HIVEP1: variants seen among roughly 807,000 people sequenced by gnomAD.
HIVEP1 encodes zinc finger protein 40.
A neutral mutation model predicts 180.0 loss-of-function variants in HIVEP1; 36 were observed. The observed-to-expected ratio is 0.20, with a 90% CI of 0.15 to 0.26. The LOEUF (loss-of-function observed/expected upper bound fraction) is 0.26, where lower values mean the gene tolerates loss of function less well. HIVEP1 is among the 10% of genes least tolerant of loss of function. The pLI is 1.00. For missense variants in HIVEP1, 3,143 were observed against 3,268.7 expected, an observed-to-expected ratio of 0.96 and a Z score of 0.94; for synonymous variants, 1,239 against 1,239.0, an observed-to-expected ratio of 1.00 and a Z score of 0.00.
chr6:12,073,026 C>A (rs1020056332), intron 2 of HIVEP1, among the ~76,000 whole-genome samples: 1 of 152,126 alleles, frequency 6.6e-6, no homozygotes, highest in Non-Finnish European at 1.5e-5. Flanking sequence ...ACATAGAGAA[C>A]AATGTGGATA....
At chr6:12,062,504 G>A (rs891963820) in intron 2 of HIVEP1, among the ~76,000 whole-genome samples, 1 of 152,154 alleles carries the variant, frequency 6.6e-6, no homozygotes, top group African/African-American at 2.4e-5. Flanking sequence ...CAGCAAGGAA[G>A]CCAAAATTGG....
At chr6:12,020,890 CTTTT>C (rs70981658) in intron 2 of HIVEP1, among the ~76,000 whole-genome samples, 1 of 105,774 alleles carries the variant, frequency 9.5e-6, no homozygotes, top group Admixed American at 1.2e-4. Context: ...TTCTTTCTTT[CTTTT>C]TTTTTTTTTT....
At chr6:12,040,825 G>A (rs1284914267) in intron 2 of HIVEP1, among the ~76,000 whole-genome samples, 2 of 151,970 alleles carry the variant, frequency 1.3e-5, no homozygotes, top group African/African-American at 2.4e-5. Flanking sequence ...CAATCATGGT[G>A]GAAAGTGAAG....
intron 3 of HIVEP1, among the ~76,000 whole-genome samples, chr6:12,099,573 A>G (rs1773988342): frequency 6.6e-6 from 1 of 152,070 alleles, no homozygotes; most frequent in Admixed American, 6.5e-5. Flanking sequence ...ATGTGAAGAA[A>G]AAACGTGGTA....
chr6:12,017,334 T>G (rs577790960), intron 2 of HIVEP1, among the ~76,000 whole-genome samples: 13 of 152,334 alleles, frequency 8.5e-5, no homozygotes, highest in African/African-American at 3.1e-4. Flanking sequence ...GGTTGTTCCT[T>G]CTGATGTTCA....
At chr6:12,109,228 C>A (rs1379218284) in intron 3 of HIVEP1, among the ~76,000 whole-genome samples, 1 of 152,146 alleles carries the variant, frequency 6.6e-6, no homozygotes, top group East Asian at 1.9e-4. Context: ...CTCCTGACCT[C>A]GTGTTCCGCC....
the HIVEP1 span, among the ~76,000 whole-genome samples, chr6:12,199,806 C>T: frequency 5.3e-5 from 8 of 152,184 alleles, no homozygotes; most frequent in South Asian, 2.1e-4. Context: ...CAGCCCTTCT[C>T]GTAGAATGTC....
chr6:12,187,675 C>A, the HIVEP1 span, among the ~76,000 whole-genome samples: 2 of 151,400 alleles, frequency 1.3e-5, no homozygotes, highest in African/African-American at 2.4e-5. Context: ...TCACTGCAAC[C>A]TCTGACTCCA....
upstream of HIVEP1, among the ~76,000 whole-genome samples, chr6:12,011,391 G>C (rs549336196): frequency 2.7e-5 from 4 of 149,480 alleles, no homozygotes; most frequent in South Asian, 8.5e-4. Flanking sequence ...ACGGTAAAGA[G>C]AAACTACGGC....
chr6:12,078,719 C>CACACACACACACATATATATATATAT (rs758199591), intron 2 of HIVEP1, among the ~76,000 whole-genome samples: 23 of 146,358 alleles, frequency 1.6e-4, no homozygotes, highest in Non-Finnish European at 3.1e-4. Flanking sequence ...CACACACACA[C>CACACACACACACATATATATATATAT]ATATATATAT....
intron 2 of HIVEP1, among the ~76,000 whole-genome samples, chr6:12,085,603 A>G (rs1161267906): frequency 1.3e-5 from 2 of 152,124 alleles, no homozygotes; most frequent in Non-Finnish European, 2.9e-5. Context: ...CAGGCATGCA[A>G]TTGCAGTAAA....
intron 2 of HIVEP1, among the ~76,000 whole-genome samples, chr6:12,029,589 T>C (rs1003354549): frequency 6.6e-6 from 1 of 152,200 alleles, no homozygotes; most frequent in African/African-American, 2.4e-5. Flanking sequence ...ACTATACTTT[T>C]GATTAATTTT....
intron 2 of HIVEP1, among the ~76,000 whole-genome samples, chr6:12,018,629 GT>G (rs1652209056): frequency 6.6e-6 from 1 of 152,236 alleles, no homozygotes; most frequent in Non-Finnish European, 1.5e-5. Context: ...AGGGGGCGCA[GT>G]TTGGGGTGAA....
chr6:12,017,331 C>T (rs1056417977), intron 2 of HIVEP1, among the ~76,000 whole-genome samples: 6 of 152,126 alleles, frequency 3.9e-5, no homozygotes, highest in African/African-American at 1.4e-4. Context: ...ACAGGTTGTT[C>T]CTTCTGATGT....
intron 2 of HIVEP1, among the ~76,000 whole-genome samples, chr6:12,058,592 T>C (rs144311882): frequency 9.2e-5 from 14 of 152,302 alleles, no homozygotes; most frequent in Non-Finnish European, 1.8e-4. Context: ...GCCTAAAAGA[T>C]AGACAACCTG....
At chr6:12,189,422 T>C in the HIVEP1 span, among the ~76,000 whole-genome samples, 1 of 152,082 alleles carries the variant, frequency 6.6e-6, no homozygotes, top group Non-Finnish European at 1.5e-5. Context: ...TACCTACATA[T>C]TGTTAGAAAA....
intron 2 of HIVEP1, among the ~76,000 whole-genome samples, chr6:12,017,868 C>A (rs1417118362): frequency 1.3e-5 from 2 of 152,236 alleles, no homozygotes; most frequent in African/African-American, 4.8e-5. Flanking sequence ...GCTGGCTTCA[C>A]CCAGTGGATC....
rs774397609 is a variant in HIVEP1, at chr6:12,124,987, T to C, written c.5192T>C (p.Val1731Ala). ...TTGCCCATAACTCAGAAAATATCTG[T>C]TGGTCGACTTTCCCCTCAACAAGAA... ...ESLPITQKISVGRLSPQQESS... is the reference protein window; with the variant it reads ...ESLPITQKISAGRLSPQQESS... Residue 1731 changes from valine (V) to alanine (A), a missense_variant, in exon 4 of 9, where the codon GTT (valine) becomes GCT (alanine). Transcript: ENST00000379388. 2 of 1,614,198 alleles carry C rather than the reference T, an allele frequency of 1.2e-6. No individual in the cohort carries two copies. Among genetic ancestry groups the C allele is most frequent in the Non-Finnish European group, 8.5e-7 (1 of 1,180,034 alleles).
chr6:12,044,056 T>C (rs932482204), intron 2 of HIVEP1, among the ~76,000 whole-genome samples: 10 of 152,182 alleles, frequency 6.6e-5, no homozygotes, highest in African/African-American at 2.4e-4. Flanking sequence ...GGAATGTTTA[T>C]GTTTTTCAAG....
Sources: allele counts gnomAD v4.1 joint callset (sites outside exome capture counted in the v4.1 genomes callset), GRCh38; gene constraint gnomAD v4.1.1; transcripts MANE v1.5; gene names NCBI Gene and HGNC (gene_info 2026-07-23, HGNC 2026-07-21).